The following GREB1L variants were observed in gnomAD, a reference collection of about 807,000 sequenced individuals.
The protein encoded by GREB1L is GREB1 like retinoic acid receptor coactivator, also known as GREB1-like protein.
Under a neutral mutation model 200.8 loss-of-function variants are expected in GREB1L, and 17 were observed. The ratio of observed to expected loss-of-function variants is 0.08; its 90% confidence interval spans 0.06 to 0.13. The LOEUF (loss-of-function observed/expected upper bound fraction) is 0.13, where lower values mean the gene tolerates loss of function less well. Ranked by LOEUF, GREB1L falls within the 10% of genes least tolerant of loss-of-function variation. GREB1L has a pLI of 1.00. For missense variants in GREB1L, 1,657 were observed against 2,367.7 expected, an observed-to-expected ratio of 0.70 and a Z score of 6.23; for synonymous variants, 789 against 893.0, an observed-to-expected ratio of 0.88 and a Z score of 2.08.
intron 1 of GREB1L, among the ~76,000 whole-genome samples, chr18:21,282,140 G>T (rs2038280391): frequency 6.6e-6 from 1 of 152,038 alleles, no homozygotes; most frequent in African/African-American, 2.4e-5. Flanking sequence ...GCCAGGGGTG[G>T]TGGCATGTGC....
intron 1 of GREB1L, among the ~76,000 whole-genome samples, chr18:21,326,484 G>C (rs1290992876): frequency 6.6e-6 from 1 of 152,130 alleles, no homozygotes; most frequent in Admixed American, 6.5e-5. Flanking sequence ...ATAGCCGGTC[G>C]CTGGGGCTCC....
At chr18:21,289,599 A>G (rs929849573) in intron 1 of GREB1L, among the ~76,000 whole-genome samples, 13 of 152,134 alleles carry the variant, frequency 8.5e-5, no homozygotes, top group African/African-American at 2.7e-4. Context: ...ATTTAAATAG[A>G]ATGTAAATTA....
intron 1 of GREB1L, among the ~76,000 whole-genome samples, chr18:21,330,355 T>A (rs2039089909): frequency 6.6e-6 from 1 of 152,232 alleles, no homozygotes; most frequent in Non-Finnish European, 1.5e-5. Flanking sequence ...ATGGTGTCAG[T>A]GTGTCCTAGT....
chr18:21,439,720 C>G (rs1683493386), intron 8 of GREB1L, 83 bp downstream of exon 8: 24 of 872,828 alleles, frequency 2.7e-5, no homozygotes, highest in South Asian at 1.5e-4. Flanking sequence ...AATTATCTGG[C>G]AACACACTCT....
chr18:21,522,268 C>A (rs1304876785), intron 32 of GREB1L, among the ~76,000 whole-genome samples: 1 of 151,714 alleles, frequency 6.6e-6, no homozygotes, highest in East Asian at 1.9e-4. Flanking sequence ...GTCAGGAGAT[C>A]GAGACCATCC....
chr18:21,486,171 G>C (rs1169948845), intron 18 of GREB1L, among the ~76,000 whole-genome samples: 1 of 152,138 alleles, frequency 6.6e-6, no homozygotes, highest in African/African-American at 2.4e-5. Context: ...TGGCTAACAC[G>C]GTGAAACCCC....
chr18:21,441,269 C>A (rs1336987605), intron 9 of GREB1L, 131 bp from the exon 10 acceptor site: 2 of 769,838 alleles, frequency 2.6e-6, no homozygotes, highest in Non-Finnish European at 3.8e-6. Flanking sequence ...ACACAATAAA[C>A]CTAATGAAAA....
In GREB1L at chr18:21,451,066, A is replaced by T; in HGVS notation, c.1764A>T (p.Thr588=). The T allele has an allele frequency of 6.4e-7, 1 of 1,551,976 alleles. No homozygotes were observed. The highest frequency in any genetic ancestry group is 1.4e-5 in the African/African-American group (1 of 73,178). The change falls in exon 13 of 33, where the codon ACA becomes ACT. Residue 588 remains threonine (T), a synonymous_variant. Coordinates refer to ENST00000424526, the MANE Select transcript of GREB1L (RefSeq NM_001142966.3). ...SRALAESMLT[T]SEFLKEISYE... ...CTCTGGCAGAGAGCATGCTCACCAC[A>T]AGTGAGTTTTTGAAAGAAATTAGTT...
intron 15 of GREB1L, among the ~76,000 whole-genome samples, chr18:21,470,000 C>G (rs1269135346): frequency 1.3e-5 from 2 of 152,118 alleles, no homozygotes; most frequent in Non-Finnish European, 2.9e-5. Flanking sequence ...TTTAAAAAAT[C>G]AAACCTGTTG....
chr18:21,403,306 C>T (rs141834172), intron 6 of GREB1L, among the ~76,000 whole-genome samples: 69 of 152,210 alleles, frequency 4.5e-4, no homozygotes, highest in African/African-American at 1.5e-3. Context: ...TATCATGATC[C>T]GTAACCACTT....
intron 2 of GREB1L, chr18:21,380,456 A>C (rs1176232134): frequency 2.0e-5 from 3 of 152,106 alleles, no homozygotes; most frequent in African/African-American, 7.2e-5. Flanking sequence ...GATAAATTTT[A>C]AATTCGATCC....
chr18:21,406,058 T>TA (rs34222462), intron 7 of GREB1L, among the ~76,000 whole-genome samples: 44,977 of 124,714 alleles, frequency 0.36, 9,569 homozygotes, highest in African/African-American at 0.61. Context: ...AGACCCTGTC[T>TA]AAAAAAAAAA....
At chr18:21,516,787 A>T (rs2037433218) in intron 30 of GREB1L, 33 bp downstream of exon 30, 1 of 1,537,102 alleles carries the variant, frequency 6.5e-7, no homozygotes, top group Non-Finnish European at 8.8e-7. Context: ...AAGTGCTGAA[A>T]ATAAGCACAA....
At chr18:21,398,035 TCGA>T (rs1199265049) in intron 5 of GREB1L, among the ~76,000 whole-genome samples, 2 of 152,228 alleles carry the variant, frequency 1.3e-5, no homozygotes, top group African/African-American at 2.4e-5. Flanking sequence ...GCTCTGACTG[TCGA>T]CAATGAAAAT....
At chr18:21,464,699 C>T (rs1347572966) in intron 15 of GREB1L, among the ~76,000 whole-genome samples, 2 of 152,104 alleles carry the variant, frequency 1.3e-5, no homozygotes, top group Non-Finnish European at 2.9e-5. Context: ...AATTTGGCAT[C>T]TCCAGTTATG....
At chr18:21,252,891 C>T (rs1353001725) in intron 1 of GREB1L, among the ~76,000 whole-genome samples, 1 of 152,086 alleles carries the variant, frequency 6.6e-6, no homozygotes, top group Non-Finnish European at 1.5e-5. Flanking sequence ...TTTATTAAAG[C>T]TATAAAACAT....
rs1333572090 is a variant in GREB1L, at chr18:21,490,106, C to T, written c.2785C>T (p.Arg929Cys). 3.5e-5 allele frequency: 54 copies of T among 1,551,772 alleles called. No homozygotes were observed. Among genetic ancestry groups the T allele is most frequent in the Non-Finnish European group, 4.4e-5 (50 of 1,147,054 alleles). The part of the protein sequence containing the change: ...LMALTTMASL[R>C]DHSTPETLSI... ...GGCTCTCACCACCATGGCGTCACTC[C>T]GCGACCACAGCACACCAGAAACACT... Residue 929 changes from arginine (R) to cysteine (C), a missense_variant, in exon 19 of 33, where the codon CGC becomes TGC. Arg to Cys is a radical substitution (Grantham distance 180). Transcript: ENST00000424526.
intron 2 of GREB1L, among the ~76,000 whole-genome samples, chr18:21,371,875 A>G (rs2039889523): frequency 8.6e-5 from 13 of 151,970 alleles, no homozygotes. Context: ...TTATTACTGT[A>G]TGTAAAATCT....
intron 17 of GREB1L, among the ~76,000 whole-genome samples, chr18:21,478,267 G>A (rs1287281038): frequency 1.3e-5 from 2 of 152,180 alleles, no homozygotes; most frequent in Non-Finnish European, 2.9e-5. Flanking sequence ...GATATATCCA[G>A]GGATTTATAG....
Sources: allele counts gnomAD v4.1 joint callset (sites outside exome capture counted in the v4.1 genomes callset), GRCh38; gene constraint gnomAD v4.1.1; transcripts MANE v1.5; gene names NCBI Gene and HGNC (gene_info 2026-07-23, HGNC 2026-07-21).